The following SRGAP2 variants were observed in gnomAD, a reference collection of about 807,000 sequenced individuals.
SRGAP2 encodes the protein SLIT-ROBO Rho GTPase activating protein 2, also known as SLIT-ROBO Rho GTPase-activating protein 2.
Under a neutral mutation model 57.2 loss-of-function variants are expected in SRGAP2, and 15 were observed. That is an observed-to-expected ratio of 0.26 (90% confidence interval 0.18 to 0.40). The LOEUF is 0.40. Among genes scored for constraint, SRGAP2 ranks in the 10% least tolerant of loss-of-function variants. The pLI is 1.00. For missense variants in SRGAP2, 520 were observed against 669.6 expected, an observed-to-expected ratio of 0.78 and a Z score of 2.47; for synonymous variants, 249 against 248.0, an observed-to-expected ratio of 1.00 and a Z score of -0.04.
chr1:206,415,325 C>T (rs538833580), intron 10 of SRGAP2, among the ~76,000 whole-genome samples: 18 of 152,302 alleles, frequency 1.2e-4, no homozygotes, highest in South Asian at 8.3e-4. Flanking sequence ...CAGCCCCTTC[C>T]GCTGAGTGCT....
chr1:206,418,898 G>C (rs868971264), intron 11 of SRGAP2, among the ~76,000 whole-genome samples: 6,423 of 142,146 alleles, frequency 0.045, 323 homozygotes, highest in African/African-American at 0.14. Flanking sequence ...CTGTGTGTGT[G>C]TGTGTGTGTG....
intron 21 of SRGAP2, among the ~76,000 whole-genome samples, chr1:206,456,411 T>G (rs999896611): frequency 1.3e-5 from 2 of 152,220 alleles, no homozygotes; most frequent in African/African-American, 4.8e-5. Context: ...TAATCACATT[T>G]TTTTCCTTAT....
chr1:206,229,931 TACACACACACAC>T (rs66901207), intron 2 of SRGAP2, among the ~76,000 whole-genome samples: 7 of 141,662 alleles, frequency 4.9e-5, no homozygotes, highest in South Asian at 4.5e-4. Context: ...TACACATACA[TACACACACACAC>T]ACACACACAC....
At chr1:206,377,481 A>ATTT (rs782108315) in intron 4 of SRGAP2, among the ~76,000 whole-genome samples, 16 of 98,968 alleles carry the variant, frequency 1.6e-4, no homozygotes, top group African/African-American at 4.3e-4. Flanking sequence ...TTGAAATCAG[A>ATTT]TTTTTTTTTT....
chr1:206,430,254 T>G, intron 14 of SRGAP2, 32 bp downstream of exon 14: 2 of 780,424 alleles, frequency 2.6e-6, no homozygotes, highest in South Asian at 2.7e-5. Context: ...TCCATATTTG[T>G]GCAAAGATTG....
intron 3 of SRGAP2, among the ~76,000 whole-genome samples, chr1:206,313,867 G>C (rs1341559073): frequency 3.3e-5 from 5 of 151,306 alleles, no homozygotes; most frequent in Non-Finnish European, 7.4e-5. Flanking sequence ...TTCTTACCAT[G>C]TGCCAGACAC....
chr1:206,269,042 G>T (rs1441261418), intron 2 of SRGAP2, among the ~76,000 whole-genome samples: 7 of 146,106 alleles, frequency 4.8e-5, no homozygotes, highest in Admixed American at 2.7e-4. Context: ...GCTCTTAGCA[G>T]TGTTAATTAT....
chr1:206,443,616 A>G (rs902844538), intron 17 of SRGAP2, among the ~76,000 whole-genome samples: 1 of 152,080 alleles, frequency 6.6e-6, no homozygotes, highest in African/African-American at 2.4e-5. Flanking sequence ...ACCTCAGGTG[A>G]TCCACCCACC....
intron 10 of SRGAP2, among the ~76,000 whole-genome samples, chr1:206,414,492 T>G (rs1553360742): frequency 1.3e-5 from 2 of 152,166 alleles, no homozygotes; most frequent in African/African-American, 4.8e-5. Flanking sequence ...ACCTCAGTGA[T>G]CTCATATATC....
chr1:206,373,014 TTTC>T (rs1299639666), intron 4 of SRGAP2, among the ~76,000 whole-genome samples: 26 of 120,350 alleles, frequency 2.2e-4, no homozygotes, highest in Non-Finnish European at 3.6e-4. Context: ...TCTTTCTTTC[TTTC>T]TTTCTTTCTT....
intron 2 of SRGAP2, among the ~76,000 whole-genome samples, chr1:206,231,587 G>A (rs1202138426): frequency 1.1e-4 from 17 of 150,636 alleles, no homozygotes; most frequent in Non-Finnish European, 2.4e-4. Flanking sequence ...GCCCAGGCTG[G>A]AGTGCAATGG....
At chr1:206,412,998 C>G (rs527336439) in intron 10 of SRGAP2, among the ~76,000 whole-genome samples, 3 of 152,112 alleles carry the variant, frequency 2.0e-5, no homozygotes, top group East Asian at 1.9e-4. Context: ...TAATGAAACC[C>G]GAAGAGGTAA....
At chr1:206,401,303 T>G in intron 7 of SRGAP2, 118 bp from the exon 8 acceptor site, 1 of 716,218 alleles carries the variant, frequency 1.4e-6, no homozygotes, top group South Asian at 1.5e-5. Flanking sequence ...GTCAGCCCTC[T>G]TTCTACTGCA....
At chr1:206,335,973 T>C (rs1311652791) in intron 3 of SRGAP2, among the ~76,000 whole-genome samples, 1 of 152,206 alleles carries the variant, frequency 6.6e-6, no homozygotes, top group East Asian at 1.9e-4. Context: ...ACAAGAACCT[T>C]GGTCCTATAA....
intron 2 of SRGAP2, among the ~76,000 whole-genome samples, chr1:206,246,963 C>G (rs1337573615): frequency 7.5e-6 from 1 of 133,986 alleles, no homozygotes; most frequent in African/African-American, 2.8e-5. Flanking sequence ...TGGGTGAACC[C>G]TGTTTCATTT....
chr1:206,322,999 C>T (rs1673586927), intron 3 of SRGAP2, among the ~76,000 whole-genome samples: 1 of 151,422 alleles, frequency 6.6e-6, no homozygotes, highest in African/African-American at 2.4e-5. Flanking sequence ...TCCAGTCCCA[C>T]AAGAGTGAGA....
At chr1:206,452,899 AAAAAAAAAAAT>A (rs1389373302) in intron 19 of SRGAP2, among the ~76,000 whole-genome samples, 1 of 151,290 alleles carries the variant, frequency 6.6e-6, no homozygotes, top group East Asian at 1.9e-4. Flanking sequence ...AAAAAAAAAA[AAAAAAAAAAAT>A]GGGATGCTTG....
At chr1:206,309,806 T>C (rs560367971) in intron 3 of SRGAP2, among the ~76,000 whole-genome samples, 12 of 151,174 alleles carry the variant, frequency 7.9e-5, no homozygotes, top group Non-Finnish European at 1.0e-4. Flanking sequence ...GTAAAAGTGA[T>C]TGTGGGAGAG....
chr1:206,312,786 A>G (rs1443596671), intron 3 of SRGAP2, among the ~76,000 whole-genome samples: 1 of 152,104 alleles, frequency 6.6e-6, no homozygotes, highest in African/African-American at 2.4e-5. Context: ...GTAAAGTATT[A>G]TGCGAGGGTA....
Sources: allele counts gnomAD v4.1 joint callset (sites outside exome capture counted in the v4.1 genomes callset), GRCh38; gene constraint gnomAD v4.1.1; transcripts MANE v1.5; gene names NCBI Gene and HGNC (gene_info 2026-07-23, HGNC 2026-07-21).